GAREM1: variants seen among roughly 807,000 people sequenced by gnomAD.
The protein encoded by GAREM1 is GRB2 associated regulator of MAPK1 subtype 1, also known as GRB2-associated and regulator of MAPK protein 1.
GAREM1 carries 26 observed loss-of-function variants against 71.3 expected under a neutral mutation model. The ratio of observed to expected loss-of-function variants is 0.36; its 90% confidence interval spans 0.27 to 0.51. GAREM1 has a LOEUF of 0.51. GAREM1 is among the 20% of genes least tolerant of loss of function. GAREM1 has a pLI of 0.95. For synonymous variants in GAREM1, 440 were observed against 433.2 expected, an observed-to-expected ratio of 1.02 and a Z score of -0.20; for missense variants, 1,026 against 1,103.1, an observed-to-expected ratio of 0.93 and a Z score of 0.99.
At chr18:32,444,526 C>T (rs2048769208) in intron 1 of GAREM1, among the ~76,000 whole-genome samples, 1 of 152,126 alleles carries the variant, frequency 6.6e-6, no homozygotes. Flanking sequence ...GCAGCAATTC[C>T]ACTGCATATT....
At chr18:32,424,838 T>C (rs758338583) in intron 1 of GAREM1, among the ~76,000 whole-genome samples, 3 of 152,216 alleles carry the variant, frequency 2.0e-5, no homozygotes, top group Non-Finnish European at 4.4e-5. Flanking sequence ...TGTTGTCAAA[T>C]AGTACTTATT....
rs2041361659 is a variant in GAREM1 at position 32,265,549 on chromosome 18, A to G, written c.*2322T>C. 6.6e-6 allele frequency: 1 copy of G among 152,220 alleles called. No individual in the cohort carries two copies. The highest frequency in any genetic ancestry group is 2.1e-4 in the South Asian group (1 of 4,830). 9.4% of individuals were successfully genotyped at this position (152,220 alleles called of 1,614,324 possible). A position where few individuals can be genotyped will look rare whatever the true frequency, so the allele number is the denominator to read the frequency against. On this transcript the variant is annotated 3_prime_UTR_variant, in exon 6 of 6. Coordinates refer to ENST00000269209, the MANE Select transcript of GAREM1 (RefSeq NM_001242409.2). ...GTGTCTTTTACTCAGCACTGTAGTG[A>G]TACTAGACTGTAGCATAAGTGAATC...
At position 32,393,770 on chromosome 18, in the gene GAREM1, A is replaced by G. The variant is rs1201614707; in HGVS notation, c.122-735T>C. ...TATCTTTTCGGCATTTGAACGGATG[A>G]CAAACTATTTCAAAAGAGAAATTCA... On this transcript the variant is annotated intron_variant, in intron 1 of 5. Transcript: ENST00000269209. Among the ~76,000 whole-genome samples the G allele has an allele frequency of 5.3e-5, 8 of 152,324 alleles. No individual in the cohort carries two copies. In the East Asian group the frequency reaches 1.5e-3, roughly 29 times the overall value.
chr18:32,348,398 T>C (rs185676975), intron 2 of GAREM1, among the ~76,000 whole-genome samples: 156 of 152,264 alleles, frequency 1.0e-3, no homozygotes, highest in African/African-American at 3.6e-3. Context: ...ATATTCAACA[T>C]CAGCCTAGAA....
chr18:32,339,062 T>C (rs980734790), intron 2 of GAREM1, among the ~76,000 whole-genome samples: 1 of 152,194 alleles, frequency 6.6e-6, no homozygotes, highest in African/African-American at 2.4e-5. Context: ...TTTGGACTTG[T>C]ACCTCTATAA....
At position 32,270,312 on chromosome 18, in the gene GAREM1, A is replaced by G. The variant is rs781162780; in HGVS notation, c.1638T>C (p.Ser546=). The G allele has an allele frequency of 6.2e-7, 1 of 1,613,978 alleles. No homozygotes were observed. The highest frequency in any genetic ancestry group is 8.5e-7 in the Non-Finnish European group (1 of 1,179,952). The stretch of plus-strand genomic sequence containing the variant: ...TGACTGTGCGAGGAGGGATGGAGGG[A>G]CTGGTGGACAAAGGCTTTGCGCTTC... ...PPRSAKPLST[S]PSIPPRTVKP... The change falls in exon 5 of 6, where the codon AGT becomes AGC. Residue 546 remains serine (S), a synonymous_variant. Transcript: ENST00000269209.
intron 2 of GAREM1, among the ~76,000 whole-genome samples, chr18:32,350,454 A>G (rs1161881603): frequency 6.6e-6 from 1 of 152,172 alleles, no homozygotes; most frequent in Admixed American, 6.5e-5. Flanking sequence ...CTTTAAAAAT[A>G]GAGTCAGGGT....
chr18:32,300,793 C>G (rs1017856971), intron 3 of GAREM1, among the ~76,000 whole-genome samples: 2 of 150,744 alleles, frequency 1.3e-5, no homozygotes, highest in Non-Finnish European at 2.9e-5. Context: ...GTAATCCCAG[C>G]TACTTGGGAG....
At chr18:32,306,715 C>T (rs1242172715) in intron 3 of GAREM1, among the ~76,000 whole-genome samples, 2 of 152,278 alleles carry the variant, frequency 1.3e-5, no homozygotes, top group East Asian at 1.9e-4. Flanking sequence ...CTTGATATCT[C>T]TACTTGGAGG....
chr18:32,374,900 T>C (rs1394575928), intron 2 of GAREM1, among the ~76,000 whole-genome samples: 1 of 152,116 alleles, frequency 6.6e-6, no homozygotes, highest in Non-Finnish European at 1.5e-5. Flanking sequence ...GCAGACATGG[T>C]TCCAATAGAG....
chr18:32,442,553 G>T (rs1046185388), intron 1 of GAREM1, among the ~76,000 whole-genome samples: 1 of 152,158 alleles, frequency 6.6e-6, no homozygotes, highest in Admixed American at 6.6e-5. Context: ...TTTAAAAGAA[G>T]ATGACTTTAT....
intron 1 of GAREM1, among the ~76,000 whole-genome samples, chr18:32,441,630 T>C (rs1230959081): frequency 6.6e-6 from 1 of 152,296 alleles, no homozygotes; most frequent in East Asian, 1.9e-4. Flanking sequence ...CCTTCTCTTA[T>C]ACCCAGAAAC....
chr18:32,470,306 A>C lies in GAREM1; in HGVS notation c.121+2T>G. 1 of 1,545,744 alleles carries C rather than the reference A, an allele frequency of 6.5e-7. No individual in the cohort carries two copies. The highest frequency in any genetic ancestry group is 8.7e-7 in the Non-Finnish European group (1 of 1,149,132). On this transcript the variant is annotated splice_donor_variant, in intron 1 of 5. Coordinates refer to ENST00000269209, the MANE Select transcript of GAREM1 (RefSeq NM_001242409.2). LOFTEE classifies it high-confidence loss of function. The surrounding 1 kb of genome is among the most constrained non-coding windows in gnomAD (Gnocchi z 4.4). ...CTGCCCCGCGCCCCAGCTGGGACTC[A>C]CCGTTGTCCAGGCGCGCGATCTGGG... is the stretch of plus-strand genomic sequence containing the variant.
chr18:32,317,319 T>C (rs643836), intron 2 of GAREM1, among the ~76,000 whole-genome samples: 40,311 of 149,782 alleles, frequency 0.27, 6,519 homozygotes, highest in African/African-American at 0.45. Context: ...GCAGAAGAAT[T>C]GCTTGAACCC....
In GAREM1 at chr18:32,310,337, T is replaced by C. The variant is rs2047306326; in HGVS notation, c.263-14A>G. On this transcript the variant is annotated splice_polypyrimidine_tract_variant and intron_variant, in intron 2 of 5. Transcript: ENST00000269209. ...GCTTGAATTGCCCTAAAACACAGGA[T>C]AAACAGAAGAGATCTAAGATGTTTA... The C allele has an allele frequency of 1.9e-6, 3 of 1,613,676 alleles. No individual in the cohort carries two copies. The highest frequency in any genetic ancestry group is 3.3e-5 in the Admixed American group (2 of 59,970).
intron 1 of GAREM1, among the ~76,000 whole-genome samples, chr18:32,397,215 C>A (rs977538034): frequency 6.6e-6 from 1 of 152,138 alleles, no homozygotes; most frequent in East Asian, 1.9e-4. Context: ...ATTGTAAAGA[C>A]CATCAAGGCT....
chr18:32,327,744 A>G (rs1567965819), intron 2 of GAREM1, among the ~76,000 whole-genome samples: 2 of 152,196 alleles, frequency 1.3e-5, no homozygotes, highest in African/African-American at 4.8e-5. Context: ...AGTGAGACTA[A>G]TATGAGGCAA....
At chr18:32,420,144 T>C (rs2048506034) in intron 1 of GAREM1, among the ~76,000 whole-genome samples, 1 of 152,172 alleles carries the variant, frequency 6.6e-6, no homozygotes, top group South Asian at 2.1e-4. Flanking sequence ...TTTTCAACAA[T>C]TTCACTTGGC....
At chr18:32,436,175 G>GGAA (rs1257484044) in intron 1 of GAREM1, among the ~76,000 whole-genome samples, 1 of 152,176 alleles carries the variant, frequency 6.6e-6, no homozygotes, top group African/African-American at 2.4e-5. Flanking sequence ...AGACAATGAT[G>GGAA]GAAGAGGTTT....
Sources: gnomAD v4.1 joint callset for allele counts (sites outside exome capture counted in the v4.1 genomes callset) on GRCh38, gnomAD v4.1.1 for gene constraint, Gnocchi (gnomAD v3.1) non-coding constraint, MANE v1.5 for transcripts, NCBI Gene and HGNC (gene_info 2026-07-23, HGNC 2026-07-21) for gene names.